The following TPCN2 variants were observed in gnomAD, a reference collection of about 807,000 sequenced individuals.
The protein encoded by TPCN2 is two pore channel protein 2.
A neutral mutation model predicts 111.4 loss-of-function variants in TPCN2; 92 were observed. The ratio of observed to expected loss-of-function variants is 0.83; its 90% CI spans 0.70 to 0.98. The LOEUF is 0.98. TPCN2 is among the 50% of genes least tolerant of loss of function. The pLI, the probability that TPCN2 is intolerant of heterozygous loss-of-function variation, is 0.00. For missense variants in TPCN2, 995 were observed against 980.1 expected, an observed-to-expected ratio of 1.02 and a Z score of -0.20; for synonymous variants, 405 against 414.5, an observed-to-expected ratio of 0.98 and a Z score of 0.28.
rs1201379911 is a variant in TPCN2, at chr11:69,054,662, G to A, written c.175-59G>A. On this transcript the variant is annotated intron_variant, in intron 2 of 24. Transcript: ENST00000294309. ...CTGTCTCGTGTGTGGTGTGGGGCTC[G>A]GGTCACGGCCCACCCTGCATGCACC... 8.5e-6 allele frequency: 13 copies of A among 1,521,768 alleles called. No individual in the cohort carries two copies. In the Admixed American group the frequency reaches 1.7e-4, roughly 20 times the overall value. The allele number at this position is 1,521,768 out of a possible 1,614,324, so 94.3% of individuals were successfully genotyped here. A position where few individuals can be genotyped will look rare whatever the true frequency, so the allele number is the denominator to read the frequency against.
chr11:69,078,730 G>T lies in TPCN2; in HGVS notation c.1351-4G>T. ...CCGGCGAGCCCTCTGTTCTGGCGTTGCAGGTGTTCCTGGTGCTGGATGCAG... is the reference window on the plus strand; with the variant it reads ...CCGGCGAGCCCTCTGTTCTGGCGTTTCAGGTGTTCCTGGTGCTGGATGCAG... On this transcript the variant is annotated splice_polypyrimidine_tract_variant and splice_region_variant and intron_variant, in intron 14 of 24. Transcript: ENST00000294309. 1 of 1,613,920 alleles carries T rather than the reference G, an allele frequency of 6.2e-7. No individual in the cohort carries two copies. The highest frequency in any genetic ancestry group is 1.3e-5 in the African/African-American group (1 of 75,062).
rs890589904 is a variant in TPCN2, at chr11:69,089,106, G to T, written c.*1153G>T. The T allele has an allele frequency of 2.6e-5, 4 of 152,370 alleles. No homozygotes were observed. The highest frequency in any genetic ancestry group is 9.6e-5 in the African/African-American group (4 of 41,456). 9.4% of individuals were successfully genotyped at this position (152,370 alleles called of 1,614,324 possible). ...TCTTTCATCTGCTTTTCCTTCAGAGGTGCTGAGCCCACGCCATAGCCCCTG... is the reference window on the plus strand; with the variant it reads ...TCTTTCATCTGCTTTTCCTTCAGAGTTGCTGAGCCCACGCCATAGCCCCTG... On this transcript the variant is annotated 3_prime_UTR_variant, in exon 25 of 25. Transcript: ENST00000294309.
intron 7 of TPCN2, 32 bp from the exon 8 acceptor site, chr11:69,067,471 T>C (rs767005404): frequency 6.3e-7 from 1 of 1,590,184 alleles, no homozygotes; most frequent in South Asian, 1.1e-5. Context: ...GGGGACCCAG[T>C]GGTGCCCTGG....
rs779026172 is a variant in TPCN2, at chr11:69,063,978, C to T, written c.726+11C>T. 2.0e-5 allele frequency: 33 copies of T among 1,613,522 alleles called. No individual in the cohort carries two copies. Among genetic ancestry groups the T allele is most frequent in the Admixed American group, 3.3e-5 (2 of 59,968 alleles). On this transcript the variant is annotated intron_variant, in intron 7 of 24. Transcript: ENST00000294309. ...TTCGCTGGTGGGAAGGTAGGGCACC[C>T]GTGGTCAGGGTCTGGGAATGGGGCT...
At chr11:69,077,150 C>T (rs1342695708) in intron 13 of TPCN2, among the ~76,000 whole-genome samples, 3 of 133,768 alleles carry the variant, frequency 2.2e-5, no homozygotes, top group East Asian at 2.5e-4. Context: ...GCCCTCCTGC[C>T]GTGTCCCTCC....
intron 5 of TPCN2, among the ~76,000 whole-genome samples, chr11:69,059,960 G>A (rs777741843): frequency 1.3e-5 from 2 of 152,248 alleles, no homozygotes; most frequent in Non-Finnish European, 1.5e-5. Context: ...TAGGAGCAGG[G>A]TGGCTGAGGG....
intron 13 of TPCN2, among the ~76,000 whole-genome samples, chr11:69,075,633 A>T (rs577829203): frequency 6.6e-6 from 1 of 152,322 alleles, no homozygotes; most frequent in South Asian, 2.1e-4. Context: ...TTTTGGAAGC[A>T]CAAAGAGGTC....
intron 24 of TPCN2, among the ~76,000 whole-genome samples, chr11:69,087,635 A>T (rs181401097): frequency 4.2e-4 from 64 of 152,270 alleles, no homozygotes; most frequent in African/African-American, 1.5e-3. Flanking sequence ...GAGTTGCTGC[A>T]GCCAAGCCCT....
In TPCN2 at chr11:69,090,036, G is replaced by A. The variant is rs1318013442; in HGVS notation, c.*2083G>A. On this transcript the variant is annotated 3_prime_UTR_variant, in exon 25 of 25. Coordinates refer to ENST00000294309, the MANE Select transcript of TPCN2 (RefSeq NM_139075.4). The stretch of plus-strand genomic sequence containing the variant: ...TCTCTTTCATTTATTGGAGTGAGCT[G>A]CAGCTCTAAGAAGACCTGTTCTTTT... The A allele has an allele frequency of 6.6e-6, 1 of 152,194 alleles. No homozygotes were observed. The highest frequency in any genetic ancestry group is 1.5e-5 in the Non-Finnish European group (1 of 68,050). The allele number at this position is 152,194 out of a possible 1,614,324, so 9.4% of individuals were successfully genotyped here. A position where few individuals can be genotyped will look rare whatever the true frequency, so the allele number is the denominator to read the frequency against.
intron 23 of TPCN2, 100 bp downstream of exon 23, chr11:69,086,704 A>ATGGGAGAGTCGTGCTGGGT: frequency 8.6e-7 from 1 of 1,165,184 alleles, no homozygotes; most frequent in Non-Finnish European, 1.3e-6. Flanking sequence ...TGGAACTTTG[A>ATGGGAGAGTCGTGCTGGGT]TGGGAGAGTC....
chr11:69,080,275 C>T (rs1855949850), intron 17 of TPCN2, among the ~76,000 whole-genome samples: 1 of 152,248 alleles, frequency 6.6e-6, no homozygotes, highest in Non-Finnish European at 1.5e-5. Context: ...GCGGGAAGGT[C>T]CTTGGGAGAG....
intron 5 of TPCN2, among the ~76,000 whole-genome samples, chr11:69,061,453 T>C (rs1356663746): frequency 3.3e-5 from 5 of 152,080 alleles, no homozygotes; most frequent in Non-Finnish European, 7.4e-5. Flanking sequence ...GAGACTGCAG[T>C]GGAGAGCGTG....
chr11:69,071,547 C>T (rs1855535827), intron 10 of TPCN2, 127 bp downstream of exon 10: 3 of 816,008 alleles, frequency 3.7e-6, no homozygotes, highest in South Asian at 3.0e-5. Context: ...GGCAGGGTTG[C>T]CACCTCTTGT....
In TPCN2 at chr11:69,078,763, G is replaced by C; in HGVS notation, c.1380G>C (p.Leu460=). 2 of 1,614,052 alleles carry C rather than the reference G, an allele frequency of 1.2e-6. No individual in the cohort carries two copies. The highest frequency in any genetic ancestry group is 1.7e-6 in the Non-Finnish European group (2 of 1,180,036). ...TCCTGGTGCTGGATGCAGATGTGCT[G>C]CCTGCTGAGCGTGATGACTTCATCC... is the stretch of plus-strand genomic sequence containing the variant. ...CVFLVLDADV[L]PAERDDFILG... Residue 460 remains leucine (L), a synonymous_variant, in exon 15 of 25, where the codon CTG becomes CTC. Transcript: ENST00000294309.
Position 69,087,209 on chromosome 11 carries a change from G to A in TPCN2, c.2180+3G>A. On this transcript the variant is annotated splice_donor_region_variant and intron_variant, in intron 24 of 24. Transcript: ENST00000294309. Reference sequence around the variant, plus strand: ...ATGACTGTGGAGCTCCTGTTCAGGTGTGTGGGTGGGGAAGGCGCTTCTGTC... The same window carrying A: ...ATGACTGTGGAGCTCCTGTTCAGGTATGTGGGTGGGGAAGGCGCTTCTGTC... 1.2e-6 allele frequency: 2 copies of A among 1,613,444 alleles called. No homozygotes were observed. Among genetic ancestry groups the A allele is most frequent in the South Asian group, 2.2e-5 (2 of 91,046 alleles).
rs1282431337 is a variant in TPCN2 at position 69,087,165 on chromosome 11, C to T, written c.2139C>T (p.Thr713=). Residue 713 remains threonine, a synonymous_variant, in exon 24 of 25, where the codon ACC becomes ACT. Coordinates refer to ENST00000294309, the MANE Select transcript of TPCN2 (RefSeq NM_139075.4). ...PRSHLQPLAG[T]PEATYQMTVE... is the part of the protein sequence containing the mutation. ...GCCACCTGCAGCCCCTTGCTGGGAC[C>T]CCAGAGGCCACCTACCAGATGACTG... 1.2e-6 allele frequency: 2 copies of T among 1,613,906 alleles called. No homozygotes were observed. Among genetic ancestry groups the T allele is most frequent in the South Asian group, 1.1e-5 (1 of 91,080 alleles).
At chr11:69,085,421 C>G in intron 20 of TPCN2, 135 bp downstream of exon 20, 1 of 922,524 alleles carries the variant, frequency 1.1e-6, no homozygotes, top group Non-Finnish European at 1.7e-6. Context: ...TCTCCTCCCT[C>G]CACCCCCTTT....
At chr11:69,070,397 T>C (rs373762790) in intron 8 of TPCN2, 33 bp from the exon 9 acceptor site, 10 of 1,549,680 alleles carry the variant, frequency 6.5e-6, no homozygotes, top group Non-Finnish European at 8.9e-6. Flanking sequence ...GGTACTGAGG[T>C]TGTCAGTTTC....
intron 7 of TPCN2, among the ~76,000 whole-genome samples, chr11:69,064,519 G>A (rs1855177126): frequency 6.6e-6 from 1 of 152,130 alleles, no homozygotes; most frequent in African/African-American, 2.4e-5. Flanking sequence ...CTGCCCCGGG[G>A]CCCAGCAGCT....
Sources: gnomAD v4.1 joint callset for allele counts (sites outside exome capture counted in the v4.1 genomes callset) on GRCh38, gnomAD v4.1.1 for gene constraint, MANE v1.5 for transcripts, NCBI Gene and HGNC (gene_info 2026-07-23, HGNC 2026-07-21) for gene names.